The following ZMIZ1 variants were observed in gnomAD, a reference collection of about 807,000 sequenced individuals.
The protein encoded by ZMIZ1 is zinc finger MIZ-type containing 1, also known as zinc finger MIZ domain-containing protein 1.
Under a neutral mutation model 113.9 loss-of-function variants are expected in ZMIZ1, and 17 were observed. The observed-to-expected ratio is 0.15, with a 90% CI of 0.10 to 0.22. The LOEUF (loss-of-function observed/expected upper bound fraction) is 0.22. Ranked by LOEUF, ZMIZ1 falls within the 10% of genes least tolerant of loss-of-function variation. The probability of loss-of-function intolerance (pLI) is 1.00; values close to 1 mark genes in which losing one functional copy is unlikely to be tolerated. For synonymous variants in ZMIZ1, 607 were observed against 603.1 expected (o/e 1.01, Z -0.09); for missense variants, 1,059 against 1,477.8 (o/e 0.72, Z 4.65).
intron 2 of ZMIZ1, among the ~76,000 whole-genome samples, chr10:79,138,652 GCCCGCC>G (rs1286363092): frequency 6.6e-6 from 1 of 152,198 alleles, no homozygotes; most frequent in African/African-American, 2.4e-5. Flanking sequence ...CCATCAGCCA[GCCCGCC>G]CCTCCTCCAT....
chr10:79,086,864 A>G (rs912575915), intron 1 of ZMIZ1, among the ~76,000 whole-genome samples: 1 of 152,050 alleles, frequency 6.6e-6, no homozygotes, highest in Non-Finnish European at 1.5e-5. Flanking sequence ...GGTTTCCTGA[A>G]TTGCATTTTT....
chr10:79,223,876 G>A (rs1156812454), intron 7 of ZMIZ1, among the ~76,000 whole-genome samples: 4 of 152,220 alleles, frequency 2.6e-5, no homozygotes, highest in African/African-American at 9.6e-5. Context: ...TGGCCTCACT[G>A]TGCTCTTGGA....
At chr10:79,088,297 A>C (rs1048250248) in intron 1 of ZMIZ1, among the ~76,000 whole-genome samples, 6 of 152,250 alleles carry the variant, frequency 3.9e-5, no homozygotes, top group Admixed American at 2.0e-4. Context: ...CGGCAACAGC[A>C]GCCTGGGCCA....
At chr10:79,091,938 C>G (rs558521241) in intron 1 of ZMIZ1, among the ~76,000 whole-genome samples, 16 of 152,216 alleles carry the variant, frequency 1.1e-4, no homozygotes, top group African/African-American at 3.9e-4. Flanking sequence ...GAGACCTGAG[C>G]CTATTAATTA....
intron 3 of ZMIZ1, among the ~76,000 whole-genome samples, chr10:79,158,434 C>A (rs1439480335): frequency 6.6e-6 from 1 of 152,220 alleles, no homozygotes; most frequent in Non-Finnish European, 1.5e-5. Context: ...GTGACTTGCT[C>A]AAGGTCACCC....
At chr10:79,070,397 A>C (rs1326880701) in intron 1 of ZMIZ1, among the ~76,000 whole-genome samples, 1 of 151,510 alleles carries the variant, frequency 6.6e-6, no homozygotes, top group Non-Finnish European at 1.5e-5. Context: ...GTGCGCCAGC[A>C]GATTTTCACG....
chr10:79,248,914 G>C (rs1712327508), intron 7 of ZMIZ1, among the ~76,000 whole-genome samples: 1 of 152,112 alleles, frequency 6.6e-6, no homozygotes, highest in African/African-American at 2.4e-5. Context: ...ACCCTCCCAG[G>C]GCTCCAGTGT....
At chr10:79,197,088 T>TGGCCTGCCGACAGCAGGATGAA (rs1458798304) in intron 4 of ZMIZ1, among the ~76,000 whole-genome samples, 1 of 152,224 alleles carries the variant, frequency 6.6e-6, no homozygotes, top group South Asian at 2.1e-4. Context: ...TGGTGGGCAG[T>TGGCCTGCCGACAGCAGGATGAA]GGCCTGCCGA....
At chr10:79,265,468 CTTTT>C (rs35682814) in intron 7 of ZMIZ1, among the ~76,000 whole-genome samples, 3 of 91,654 alleles carry the variant, frequency 3.3e-5, no homozygotes, top group Non-Finnish European at 6.2e-5. Flanking sequence ...TTTTTCTTTT[CTTTT>C]TTTTTTTTTT....
intron 8 of ZMIZ1, among the ~76,000 whole-genome samples, chr10:79,284,635 C>A (rs1852948185): frequency 6.6e-6 from 1 of 152,116 alleles, no homozygotes; most frequent in African/African-American, 2.4e-5. Flanking sequence ...TTACTTTTTT[C>A]TCATGTTTCT....
chr10:79,078,210 A>G (rs75090724), intron 1 of ZMIZ1, among the ~76,000 whole-genome samples: 3,650 of 152,272 alleles, frequency 0.024, 138 homozygotes, highest in African/African-American at 0.083. Context: ...GCTCATAATA[A>G]CAATACCTAC....
intron 7 of ZMIZ1, among the ~76,000 whole-genome samples, chr10:79,217,373 C>T (rs1848778972): frequency 6.6e-6 from 1 of 152,030 alleles, no homozygotes; most frequent in African/African-American, 2.4e-5. Flanking sequence ...TGCAGTGAAC[C>T]GAGATCGCGC....
chr10:79,143,536 T>C (rs1845356867), intron 3 of ZMIZ1, among the ~76,000 whole-genome samples: 2 of 152,100 alleles, frequency 1.3e-5, no homozygotes, highest in Admixed American at 1.3e-4. Flanking sequence ...CCTAAGCACC[T>C]GTGTTGTGCC....
intron 7 of ZMIZ1, among the ~76,000 whole-genome samples, chr10:79,235,646 A>G (rs1186035366): frequency 1.3e-5 from 2 of 152,172 alleles, no homozygotes; most frequent in African/African-American, 2.4e-5. Context: ...TGTGATTCCC[A>G]CAGTAGGTGA....
chr10:79,197,488 A>C (rs999485765), intron 4 of ZMIZ1, among the ~76,000 whole-genome samples: 1 of 152,102 alleles, frequency 6.6e-6, no homozygotes, highest in Non-Finnish European at 1.5e-5. Flanking sequence ...ATGCTGGCTG[A>C]GGGTCTGTGT....
chr10:79,070,441 G>C (rs1243185507), intron 1 of ZMIZ1, among the ~76,000 whole-genome samples: 1 of 151,794 alleles, frequency 6.6e-6, no homozygotes, highest in Non-Finnish European at 1.5e-5. Flanking sequence ...AGAAGGCCGG[G>C]AGCCGGCCTC....
intron 4 of ZMIZ1, among the ~76,000 whole-genome samples, chr10:79,173,173 G>A (rs1174067180): frequency 6.6e-6 from 1 of 152,208 alleles, no homozygotes; most frequent in East Asian, 1.9e-4. Flanking sequence ...AGGTGGCACT[G>A]GCCTAGGGCA....
chr10:79,199,554 TATC>T (rs1478486997), intron 4 of ZMIZ1, among the ~76,000 whole-genome samples: 3 of 152,112 alleles, frequency 2.0e-5, no homozygotes, highest in African/African-American at 7.2e-5. Context: ...CTTTGAGATG[TATC>T]ATCAAGAGGG....
intron 3 of ZMIZ1, among the ~76,000 whole-genome samples, chr10:79,151,062 C>T (rs1845693336): frequency 6.6e-6 from 1 of 152,074 alleles, no homozygotes; most frequent in Non-Finnish European, 1.5e-5. Flanking sequence ...CGGGGAAAGA[C>T]CAGAGTCGTT....
Sources: allele counts gnomAD v4.1 joint callset (sites outside exome capture counted in the v4.1 genomes callset), GRCh38; gene constraint gnomAD v4.1.1; transcripts MANE v1.5; gene names NCBI Gene and HGNC (gene_info 2026-07-23, HGNC 2026-07-21).